The following RBM20 variants were observed in gnomAD, a reference collection of about 807,000 sequenced individuals.
RBM20 encodes RNA binding motif protein 20.
Under a neutral mutation model 110.1 loss-of-function variants are expected in RBM20, and 51 were observed. That is an observed-to-expected ratio of 0.46 (90% CI 0.37 to 0.59). The LOEUF is 0.59. RBM20 is among the 20% of genes least tolerant of loss of function. The pLI, the probability that RBM20 is intolerant of heterozygous loss-of-function variation, is 0.00. For synonymous variants in RBM20, 589 were observed against 618.2 expected (o/e 0.95, Z 0.70); for missense variants, 1,512 against 1,574.9 (o/e 0.96, Z 0.68).
intron 1 of RBM20, among the ~76,000 whole-genome samples, chr10:110,732,568 C>G (rs781207184): frequency 1.3e-5 from 2 of 152,172 alleles, no homozygotes; most frequent in Non-Finnish European, 2.9e-5. Flanking sequence ...CCCTAAATTT[C>G]TTTTATTTCT....
Position 110,814,590 on chromosome 10 carries a change from G to T in RBM20, c.2550+1643G>T, listed in dbSNP as rs577805892. ...AGCTCACGGCAACCTCTGCCTCCTA[G>T]GTTCAAGCAATTCTCCTGCCTCAGC... is the stretch of plus-strand genomic sequence containing the variant. On this transcript the variant is annotated intron_variant, in intron 9 of 13. Coordinates refer to ENST00000369519, the MANE Select transcript of RBM20 (RefSeq NM_001134363.3). Among the ~76,000 whole-genome samples, 6 of 152,196 alleles carry T rather than the reference G, an allele frequency of 3.9e-5. No individual in the cohort carries two copies. The South Asian group carries it at 1.2e-3, about 32-fold the overall frequency.
At chr10:110,820,206 G>T (rs749221595) in intron 10 of RBM20, 30 bp downstream of exon 10, 13 of 1,464,102 alleles carry the variant, frequency 8.9e-6, no homozygotes, top group Middle Eastern at 1.7e-4. Context: ...CTGCACTTCT[G>T]CCATGAGGGA....
chr10:110,791,672 C>T (rs879092363), intron 5 of RBM20, among the ~76,000 whole-genome samples: 1 of 152,172 alleles, frequency 6.6e-6, no homozygotes, highest in Admixed American at 6.5e-5. Context: ...TCAGGAGCAC[C>T]ATCTGGTTTT....
intron 1 of RBM20, among the ~76,000 whole-genome samples, chr10:110,675,406 C>T (rs1178971270): frequency 6.6e-6 from 1 of 152,182 alleles, no homozygotes; most frequent in Non-Finnish European, 1.5e-5. Context: ...GCAGCTGTGT[C>T]TTGCATTCTT....
chr10:110,824,666 G>A (rs926522477), intron 12 of RBM20, among the ~76,000 whole-genome samples: 7 of 152,190 alleles, frequency 4.6e-5, no homozygotes, highest in African/African-American at 1.7e-4. Flanking sequence ...TCAGGGTAGG[G>A]AGTGAAGGCA....
rs1268869599 is a variant in RBM20 at position 110,644,413 on chromosome 10, C to A, written c.-42C>A. On this transcript the variant is annotated 5_prime_UTR_variant, in exon 1 of 14. Coordinates refer to ENST00000369519, the MANE Select transcript of RBM20 (RefSeq NM_001134363.3). This position sits in a 1 kb window ranked among gnomAD's most constrained non-coding sequence, Gnocchi z 4.3. ...GCCCGTGGCCCGGGACCGCCCCTCC[C>A]TTGAGCTCTCTCGCCGCGATCCCGG... 1 of 1,422,318 alleles carries A rather than the reference C, an allele frequency of 7.0e-7. No individual in the cohort carries two copies. The highest frequency in any genetic ancestry group is 9.2e-7 in the Non-Finnish European group (1 of 1,089,588). 88.1% of individuals were successfully genotyped at this position (1,422,318 alleles called of 1,614,324 possible). A position where few individuals can be genotyped will look rare whatever the true frequency, so the allele number is the denominator to read the frequency against.
chr10:110,723,291 T>C (rs1474164289), intron 1 of RBM20, among the ~76,000 whole-genome samples: 1 of 152,104 alleles, frequency 6.6e-6, no homozygotes, highest in Non-Finnish European at 1.5e-5. Context: ...TTCCAGAATA[T>C]TTTTATACCC....
intron 1 of RBM20, among the ~76,000 whole-genome samples, chr10:110,658,100 A>G (rs540187997): frequency 6.6e-6 from 1 of 152,294 alleles, no homozygotes; most frequent in South Asian, 2.1e-4. Flanking sequence ...AAGTCGGGAC[A>G]CAAGATGAAA....
intron 1 of RBM20, among the ~76,000 whole-genome samples, chr10:110,716,892 C>T (rs1489016558): frequency 7.0e-6 from 1 of 143,086 alleles, no homozygotes; most frequent in African/African-American, 2.6e-5. Context: ...ACTCCCGCCT[C>T]AGTGACACAA....
intron 7 of RBM20, among the ~76,000 whole-genome samples, chr10:110,809,329 G>A (rs1052025322): frequency 1.2e-4 from 18 of 151,452 alleles, no homozygotes; most frequent in Non-Finnish European, 7.4e-5. Context: ...TAGACTGAGG[G>A]TTTTTAGTCT....
chr10:110,692,417 G>A (rs1862599079), intron 1 of RBM20, among the ~76,000 whole-genome samples: 2 of 152,036 alleles, frequency 1.3e-5, no homozygotes, highest in African/African-American at 4.8e-5. Context: ...TATCTTCTTT[G>A]AGTTTATTCA....
At chr10:110,752,936 TA>T (rs1420677196) in intron 1 of RBM20, among the ~76,000 whole-genome samples, 243 of 73,636 alleles carry the variant, frequency 3.3e-3, no homozygotes, top group Admixed American at 5.9e-3. Context: ...TATATATATA[TA>T]TATATATATT....
intron 1 of RBM20, among the ~76,000 whole-genome samples, chr10:110,730,437 A>G (rs980866942): frequency 6.6e-6 from 1 of 152,102 alleles, no homozygotes; most frequent in Non-Finnish European, 1.5e-5. Flanking sequence ...CCCCTTTCAC[A>G]GGTCCTCCAG....
chr10:110,805,168 C>T (rs1035598017), intron 7 of RBM20, among the ~76,000 whole-genome samples: 3 of 152,124 alleles, frequency 2.0e-5, no homozygotes, highest in Non-Finnish European at 4.4e-5. Flanking sequence ...CAAAATTACA[C>T]AAGATTTAAA....
At chr10:110,788,126 G>T (rs1171558825) in intron 5 of RBM20, among the ~76,000 whole-genome samples, 1 of 152,116 alleles carries the variant, frequency 6.6e-6, no homozygotes, top group Non-Finnish European at 1.5e-5. Flanking sequence ...AGCCTCATTT[G>T]TAACCACTAA....
At chr10:110,752,611 T>A (rs1000120533) in intron 1 of RBM20, among the ~76,000 whole-genome samples, 3 of 152,220 alleles carry the variant, frequency 2.0e-5, no homozygotes, top group African/African-American at 7.2e-5. Context: ...GATAAATATG[T>A]ACTTATTTTT....
chr10:110,818,972 C>A (rs1361038117), intron 9 of RBM20, among the ~76,000 whole-genome samples: 1 of 152,216 alleles, frequency 6.6e-6, no homozygotes, highest in Non-Finnish European at 1.5e-5. Context: ...GGATTTGAAC[C>A]ATGTATCCCT....
In RBM20 at chr10:110,767,194, C is replaced by A. The variant is rs537432597; in HGVS notation, c.192-13607C>A. Among the ~76,000 whole-genome samples, 107 of 111,032 alleles carry A rather than the reference C, an allele frequency of 9.6e-4. 2 individuals carry two copies. Among genetic ancestry groups the A allele is most frequent in the African/African-American group, 3.4e-3 (101 of 29,912 alleles). 72.8% of individuals were successfully genotyped at this position (111,032 alleles called of 152,430 possible). A position where few individuals can be genotyped will look rare whatever the true frequency, so the allele number is the denominator to read the frequency against. On this transcript the variant is annotated intron_variant, in intron 1 of 13. Coordinates refer to ENST00000369519, the MANE Select transcript of RBM20 (RefSeq NM_001134363.3). ...CCCCCCACCTCCCTCCCAGACGGGG[C>A]GGCTGGCCGGGCGGGGGGGCTGACC... is the stretch of plus-strand genomic sequence containing the variant.
intron 1 of RBM20, among the ~76,000 whole-genome samples, chr10:110,757,372 G>A (rs75166932): frequency 0.037 from 5,666 of 152,110 alleles, 329 homozygotes; most frequent in African/African-American, 0.13. Flanking sequence ...TTGGCCATGG[G>A]GTTCATGTTT....
Sources: allele counts gnomAD v4.1 joint callset (sites outside exome capture counted in the v4.1 genomes callset), GRCh38; gene constraint gnomAD v4.1.1; non-coding constraint Gnocchi (gnomAD v3.1); transcripts MANE v1.5; gene names NCBI Gene and HGNC (gene_info 2026-07-23, HGNC 2026-07-21).